Variants in PCDHA13 observed in about 807,000 individuals in gnomAD.
The protein encoded by PCDHA13 is protocadherin alpha-13.
In PCDHA13, 54 loss-of-function variants were observed where a neutral mutation model predicts 64.8. The observed-to-expected ratio is 0.83, with a 90% confidence interval of 0.67 to 1.04. The LOEUF (loss-of-function observed/expected upper bound fraction) is 1.04. Ranked by LOEUF, PCDHA13 falls within the 50% of genes least tolerant of loss-of-function variation. The pLI is 0.00. For missense variants in PCDHA13, 1,248 were observed against 1,254.3 expected, an observed-to-expected ratio of 0.99 and a Z score of 0.08; for synonymous variants, 587 against 564.4, an observed-to-expected ratio of 1.04 and a Z score of -0.57.
At chr5:140,967,123 C>T in intron 1 of PCDHA13, 1 of 1,612,724 alleles carries the variant, frequency 6.2e-7, no homozygotes, top group Non-Finnish European at 8.5e-7. Context: ...GCTGCCTGCT[C>T]AGCTTGGAAG....
intron 1 of PCDHA13, among the ~76,000 whole-genome samples, chr5:140,910,278 A>G (rs1261965132): frequency 6.6e-6 from 1 of 151,132 alleles, no homozygotes; most frequent in Non-Finnish European, 1.5e-5. Flanking sequence ...TTCTAGGAAC[A>G]CCATGATTAA....
At chr5:140,986,372 G>T (rs570215048) in intron 3 of PCDHA13, among the ~76,000 whole-genome samples, 10 of 152,248 alleles carry the variant, frequency 6.6e-5, no homozygotes, top group African/African-American at 1.2e-4. Flanking sequence ...ATGCGTTTTG[G>T]GGGGAGGGAC....
At chr5:140,978,788 T>TA (rs2096823213) in intron 1 of PCDHA13, 161 bp from the exon 2 acceptor site, 1 of 974,810 alleles carries the variant, frequency 1.0e-6, no homozygotes, top group Non-Finnish European at 1.2e-6. Flanking sequence ...TCTAAAGTGC[T>TA]ATATATGTAG....
chr5:140,915,966 T>C (rs1420384919), intron 1 of PCDHA13, among the ~76,000 whole-genome samples: 1 of 152,160 alleles, frequency 6.6e-6, no homozygotes, highest in Non-Finnish European at 1.5e-5. Flanking sequence ...ATTTGCCTGA[T>C]ATTTTATTTG....
chr5:140,897,199 A>G (rs760377746), intron 1 of PCDHA13, among the ~76,000 whole-genome samples: 1 of 152,030 alleles, frequency 6.6e-6, no homozygotes, highest in Admixed American at 6.6e-5. Flanking sequence ...TTTTTTTATT[A>G]TACTTTAAGT....
chr5:140,965,676 G>A (rs906070464), intron 1 of PCDHA13, among the ~76,000 whole-genome samples: 1 of 152,132 alleles, frequency 6.6e-6, no homozygotes, highest in African/African-American at 2.4e-5. Flanking sequence ...AAATGTAAAA[G>A]ATTTGAAGCA....
chr5:140,965,877 G>C (rs1355769719), intron 1 of PCDHA13, among the ~76,000 whole-genome samples: 3 of 152,210 alleles, frequency 2.0e-5, no homozygotes, highest in Non-Finnish European at 4.4e-5. Context: ...CCACTTGGCC[G>C]AGAGCAGAAT....
intron 1 of PCDHA13, chr5:140,968,932 A>C: frequency 6.2e-7 from 1 of 1,614,164 alleles, no homozygotes; most frequent in Non-Finnish European, 8.5e-7. Context: ...TTCTTTTGAC[A>C]ATCATCATTT....
chr5:140,894,096 C>T (rs1487747692), intron 1 of PCDHA13, among the ~76,000 whole-genome samples: 3 of 152,098 alleles, frequency 2.0e-5, no homozygotes, highest in African/African-American at 7.2e-5. Flanking sequence ...TCTTCTAGCT[C>T]CTGGTGTTGC....
At chr5:140,918,432 T>C (rs1462854272) in intron 1 of PCDHA13, among the ~76,000 whole-genome samples, 2 of 152,204 alleles carry the variant, frequency 1.3e-5, no homozygotes, top group Non-Finnish European at 2.9e-5. Context: ...GGATGTTGAA[T>C]AGGAGTGGTG....
chr5:140,917,041 A>G (rs891465527), intron 1 of PCDHA13, among the ~76,000 whole-genome samples: 11 of 152,096 alleles, frequency 7.2e-5, no homozygotes, highest in Non-Finnish European at 1.6e-4. Flanking sequence ...AGTCCAGCAC[A>G]GTGTTGTTCC....
intron 1 of PCDHA13, chr5:140,968,753 C>G: frequency 1.2e-6 from 2 of 1,614,022 alleles, no homozygotes; most frequent in Non-Finnish European, 1.7e-6. Flanking sequence ...CGTGGTGGTC[C>G]GAGATAATGG....
intron 1 of PCDHA13, among the ~76,000 whole-genome samples, chr5:140,903,031 A>G (rs1411414428): frequency 1.3e-5 from 2 of 152,188 alleles, no homozygotes; most frequent in Admixed American, 1.3e-4. Flanking sequence ...TGGCTTGCAC[A>G]TGTGTCTTTT....
rs1554176243 is a variant in PCDHA13 at position 140,882,955 on chromosome 5, C to G, written c.687C>G (p.Leu229=). The G allele has an allele frequency of 6.2e-7, 1 of 1,614,178 alleles. No individual in the cohort carries two copies. The highest frequency in any genetic ancestry group is 1.7e-5 in the Admixed American group (1 of 60,030). The stretch of plus-strand genomic sequence containing the variant: ...AGCTGACTGGCACAGTTCAGCTGCT[C>G]ATCACGATTCTGGACGTGAATGACA... ...KPELTGTVQL[L]ITILDVNDNA... Residue 229 remains leucine, a synonymous_variant, in exon 1 of 4, where the codon CTC becomes CTG. Transcript: ENST00000289272.
chr5:140,967,114 C>T (rs782407413), intron 1 of PCDHA13: 17 of 1,612,932 alleles, frequency 1.1e-5, no homozygotes, highest in Non-Finnish European at 1.4e-5. Flanking sequence ...AGCGGCCTCG[C>T]TGCCTGCTCA....
At chr5:140,920,989 A>C (rs1409702083) in intron 1 of PCDHA13, among the ~76,000 whole-genome samples, 1 of 151,756 alleles carries the variant, frequency 6.6e-6, no homozygotes, top group Non-Finnish European at 1.5e-5. Context: ...GTATTTGCTT[A>C]TTTTTTCAGA....
chr5:140,955,603 C>T (rs898504105), intron 1 of PCDHA13, among the ~76,000 whole-genome samples: 1 of 152,146 alleles, frequency 6.6e-6, no homozygotes, highest in Non-Finnish European at 1.5e-5. Flanking sequence ...TTATAAATTA[C>T]CCAGTCTCAG....
chr5:140,885,670 C>T (rs1351720729), intron 1 of PCDHA13, among the ~76,000 whole-genome samples: 2 of 152,138 alleles, frequency 1.3e-5, no homozygotes, highest in African/African-American at 4.8e-5. Flanking sequence ...TATGAGCACT[C>T]TTTCTATCTC....
rs781855278 is a variant in PCDHA13, at chr5:140,883,167, G to A, written c.899G>A (p.Gly300Glu). Residue 300 changes from glycine to glutamate, a missense_variant, in exon 1 of 4, where the codon GGA becomes GAA. Gly to Glu is a moderately conservative substitution (Grantham distance 98). Transcript: ENST00000289272. Reference protein sequence around the residue: ...VYAFTINPNNGEIRTKGKLDF... With the variant: ...VYAFTINPNNEEIRTKGKLDF... ...GCATTTACCATAAATCCGAACAATG[G>A]AGAAATTAGGACAAAAGGCAAACTA... is the stretch of plus-strand genomic sequence containing the variant. 6.2e-7 allele frequency: 1 copy of A among 1,613,864 alleles called. No homozygotes were observed. The highest frequency in any genetic ancestry group is 2.2e-5 in the East Asian group (1 of 44,896).
Sources: allele counts gnomAD v4.1 joint callset (sites outside exome capture counted in the v4.1 genomes callset), GRCh38; gene constraint gnomAD v4.1.1; transcripts MANE v1.5; gene names NCBI Gene and HGNC (gene_info 2026-07-23, HGNC 2026-07-21).